The following ASPH variants were observed in gnomAD, a reference collection of about 807,000 sequenced individuals.
The protein encoded by ASPH is aspartate beta-hydroxylase.
ASPH carries 100 observed loss-of-function variants against 118.4 expected under a neutral mutation model. The observed-to-expected ratio is 0.84, with a 90% CI of 0.72 to 1.00. The LOEUF is 1.00. Ranked by LOEUF, ASPH falls within the 50% of genes least tolerant of loss-of-function variation. ASPH has a pLI of 0.00. For synonymous variants in ASPH, 315 were observed against 325.6 expected (o/e 0.97, Z 0.35); for missense variants, 920 against 919.5 (o/e 1.00, Z -0.01).
chr8:61,642,516 C>T (rs1805625718), intron 10 of ASPH, among the ~76,000 whole-genome samples: 1 of 152,200 alleles, frequency 6.6e-6, no homozygotes, highest in South Asian at 2.1e-4. Context: ...TAATGTTCCA[C>T]ATCTTGTAGT....
intron 14 of ASPH, among the ~76,000 whole-genome samples, chr8:61,590,034 TTTTG>T (rs1840619481): frequency 6.6e-6 from 1 of 152,128 alleles, no homozygotes; most frequent in Admixed American, 6.5e-5. Context: ...TGTTAGGTTT[TTTTG>T]TTTGTTTTTT....
intron 1 of ASPH, among the ~76,000 whole-genome samples, chr8:61,697,443 G>C (rs1367653488): frequency 6.6e-6 from 1 of 152,124 alleles, no homozygotes; most frequent in Non-Finnish European, 1.5e-5. Flanking sequence ...ATTCAATTCA[G>C]TTCTGACACT....
In ASPH at chr8:61,680,954, A is replaced by C; in HGVS notation, c.322+14T>G. The stretch of plus-strand genomic sequence containing the variant: ...TTTATCACCACTAACAAAAAACATA[A>C]AATGTGTACTTGCCTAATAAAACTT... On this transcript the variant is annotated intron_variant, in intron 3 of 24. Transcript: ENST00000379454. 2 of 1,586,782 alleles carry C rather than the reference A, an allele frequency of 1.3e-6. No homozygotes were observed. The highest frequency in any genetic ancestry group is 2.3e-5 in the South Asian group (2 of 85,654).
intron 19 of ASPH, among the ~76,000 whole-genome samples, chr8:61,554,594 C>T (rs764053385): frequency 6.6e-6 from 1 of 152,198 alleles, no homozygotes; most frequent in African/African-American, 2.4e-5. Flanking sequence ...CCAGTGGCCA[C>T]ATTTCAGGTG....
At chr8:61,664,454 A>C in intron 3 of ASPH, 1 of 983,740 alleles carries the variant, frequency 1.0e-6, no homozygotes, top group Non-Finnish European at 1.2e-6. Flanking sequence ...TCTAAATACA[A>C]TTCTCCCCTT....
chr8:61,539,265 T>C (rs1030887602), intron 21 of ASPH, among the ~76,000 whole-genome samples: 1 of 152,020 alleles, frequency 6.6e-6, no homozygotes, highest in African/African-American at 2.4e-5. Context: ...TTTAAAATTA[T>C]AGTTTTTGTT....
chr8:61,570,792 T>G (rs904481874), intron 16 of ASPH, among the ~76,000 whole-genome samples: 9 of 152,218 alleles, frequency 5.9e-5, no homozygotes, highest in African/African-American at 2.2e-4. Context: ...TGACTCTAAC[T>G]AATTCACCCA....
At chr8:61,531,424 A>G (rs1817505906) in intron 21 of ASPH, among the ~76,000 whole-genome samples, 1 of 152,116 alleles carries the variant, frequency 6.6e-6, no homozygotes, top group East Asian at 1.9e-4. Context: ...GTAAAATTGA[A>G]TTCTGAAAGT....
chr8:61,572,993 T>C (rs1444194772), intron 16 of ASPH, among the ~76,000 whole-genome samples: 1 of 152,188 alleles, frequency 6.6e-6, no homozygotes, highest in Non-Finnish European at 1.5e-5. Flanking sequence ...CTCCTTAAGC[T>C]GATAAGCAAC....
intron 16 of ASPH, among the ~76,000 whole-genome samples, chr8:61,575,320 T>C (rs1280631628): frequency 2.0e-5 from 3 of 152,232 alleles, no homozygotes; most frequent in African/African-American, 7.2e-5. Context: ...ATAAAGACTT[T>C]CAGGGCTTTG....
chr8:61,596,128 G>T (rs1008713340), intron 14 of ASPH, among the ~76,000 whole-genome samples: 5 of 152,130 alleles, frequency 3.3e-5, no homozygotes, highest in African/African-American at 9.7e-5. Flanking sequence ...GGAACCTGGA[G>T]ATTGGTTCAC....
At chr8:61,653,262 C>G (rs1812013283) in intron 4 of ASPH, among the ~76,000 whole-genome samples, 1 of 152,096 alleles carries the variant, frequency 6.6e-6, no homozygotes, top group African/African-American at 2.4e-5. Context: ...TTTTTACTTT[C>G]AAGGTAATAT....
chr8:61,651,522 G>C (rs1810967574), intron 4 of ASPH: 1 of 180,000 alleles, frequency 5.6e-6, no homozygotes, highest in African/African-American at 2.4e-5. Flanking sequence ...CAGAAATGTG[G>C]AAGACAAGGT....
At chr8:61,625,940 T>C in intron 13 of ASPH, 1 of 1,094,610 alleles carries the variant, frequency 9.1e-7, no homozygotes, top group Non-Finnish European at 1.1e-6. Context: ...ACCAATATAA[T>C]TATTAACCAC....
chr8:61,625,488 A>G, intron 13 of ASPH: 1 of 985,366 alleles, frequency 1.0e-6, no homozygotes, highest in Non-Finnish European at 1.2e-6. Flanking sequence ...AAGAGACTAT[A>G]GCTATTATAT....
At chr8:61,620,489 T>C (rs1291123549) in intron 13 of ASPH, among the ~76,000 whole-genome samples, 1 of 152,178 alleles carries the variant, frequency 6.6e-6, no homozygotes, top group East Asian at 1.9e-4. Context: ...AGGACTTTTT[T>C]TTTTTTTTAA....
intron 16 of ASPH, 80 bp downstream of exon 16, chr8:61,576,692 A>T: frequency 8.0e-7 from 1 of 1,248,956 alleles, no homozygotes; most frequent in South Asian, 1.5e-5. Context: ...GAAAGGGAAA[A>T]TAGTGAGGAG....
chr8:61,603,747 A>G lies in ASPH; in HGVS notation c.976+15231T>C, dbSNP rs1844796394. Among the ~76,000 whole-genome samples, 4 of 152,184 alleles carry G rather than the reference A, an allele frequency of 2.6e-5. No homozygotes were observed. In the South Asian group the frequency reaches 8.3e-4, roughly 32 times the overall value. ...CACACATTAGAAAGTGGTAGGGGGG[A>G]AGTAAATTAATGACTAGAATAAAAG... is the stretch of plus-strand genomic sequence containing the variant. On this transcript the variant is annotated intron_variant, in intron 14 of 24. Transcript: ENST00000379454.
intron 3 of ASPH, chr8:61,663,043 G>C (rs898365781): frequency 5.1e-6 from 5 of 985,288 alleles, no homozygotes; most frequent in Non-Finnish European, 4.8e-6. Flanking sequence ...AAAATCTTTA[G>C]TGAAGACAGC....
Sources: gnomAD v4.1 joint callset for allele counts (sites outside exome capture counted in the v4.1 genomes callset) on GRCh38, gnomAD v4.1.1 for gene constraint, MANE v1.5 for transcripts, NCBI Gene and HGNC (gene_info 2026-07-23, HGNC 2026-07-21) for gene names.